HOXC4: variants seen among roughly 807,000 people sequenced by gnomAD.
HOXC4 encodes the protein homeobox C4, also known as homeobox protein Hox-C4.
A neutral mutation model predicts 25.5 loss-of-function variants in HOXC4; 15 were observed. The ratio of observed to expected loss-of-function variants is 0.59; its 90% CI spans 0.39 to 0.91. The LOEUF is 0.91. Among genes scored for constraint, HOXC4 ranks in the 40% least tolerant of loss-of-function variants. HOXC4 has a pLI of 0.00. For missense variants in HOXC4, 342 were observed against 352.4 expected (o/e 0.97, Z 0.24); for synonymous variants, 165 against 148.0 (o/e 1.11, Z -0.83).
At chr12:54,028,867 C>A in intron 1 of HOXC4, 2 of 1,613,880 alleles carry the variant, frequency 1.2e-6, no homozygotes, top group Non-Finnish European at 1.7e-6. Flanking sequence ...GCCCCAGGAC[C>A]AGAAAGCCAG....
chr12:54,017,840 C>T (rs1323603278), intron 1 of HOXC4, among the ~76,000 whole-genome samples: 2 of 152,186 alleles, frequency 1.3e-5, no homozygotes, highest in South Asian at 2.1e-4. Flanking sequence ...GTGCCCATTG[C>T]CCCCTAAGCA....
rs530242631 is a variant in HOXC4 at position 54,018,262 on chromosome 12, G to A, written c.-124+848G>A. 2.6e-5 allele frequency among the ~76,000 whole-genome samples: 4 copies of A among 152,354 alleles called. No individual in the cohort carries two copies. In the South Asian group the frequency reaches 8.3e-4, roughly 32 times the overall value. On this transcript the variant is annotated intron_variant, in intron 1 of 3. Coordinates refer to the HOXC4 transcript ENST00000303406. ...GGTCCGGCGCCCCTCACCCCCAGCC[G>A]CGGCCATCCCAGCCGGGATGCCCAC...
intron 1 of HOXC4, chr12:54,034,585 G>T (rs1277316557): frequency 4.5e-6 from 5 of 1,104,668 alleles, no homozygotes; most frequent in Non-Finnish European, 6.6e-6. Context: ...TTCGGGTCGG[G>T]GGCAGGTGCT....
At chr12:54,024,367 C>G (rs1003493121) in intron 1 of HOXC4, among the ~76,000 whole-genome samples, 23 of 152,064 alleles carry the variant, frequency 1.5e-4, no homozygotes, top group African/African-American at 5.6e-4. Flanking sequence ...TCAGGAGGCA[C>G]CGAGCTGTAG....
intron 1 of HOXC4, chr12:54,028,267 A>ATTTT (rs926541390): frequency 1.5e-3 from 110 of 75,632 alleles, no homozygotes; most frequent in African/African-American, 1.5e-3. Flanking sequence ...ATATATATAT[A>ATTTT]TTTTTTAAAA....
chr12:54,018,809 C>T (rs1025343949), intron 1 of HOXC4, among the ~76,000 whole-genome samples: 1 of 152,148 alleles, frequency 6.6e-6, no homozygotes, highest in Non-Finnish European at 1.5e-5. Context: ...GGGGGCCAGA[C>T]TTACCTTAAT....
At chr12:54,028,587 C>A (rs1940837152) in intron 1 of HOXC4, 2 of 1,614,000 alleles carry the variant, frequency 1.2e-6, no homozygotes, top group African/African-American at 2.7e-5. Context: ...ACGTCCTCCC[C>A]AACGTCGCCC....
At chr12:54,041,857 G>A (rs1014912653) in intron 1 of HOXC4, among the ~76,000 whole-genome samples, 1 of 151,662 alleles carries the variant, frequency 6.6e-6, no homozygotes, top group African/African-American at 2.4e-5. Flanking sequence ...TTGTATTTTT[G>A]GCAGAGATGA....
rs1225841948 is a variant in HOXC4 at position 54,022,446 on chromosome 12, A to C, written c.-124+5032A>C. The C allele has an allele frequency of 1.3e-5, 2 of 152,304 alleles. 1 individual carries two copies. The highest frequency in any genetic ancestry group is 1.3e-4 in the Admixed American group (2 of 15,296). 9.4% of individuals were successfully genotyped at this position (152,304 alleles called of 1,614,324 possible). ...GCCTTTAATTTTGCTGCTAGCTATT[A>C]AATTTAAAAGAGTATCATTGAAGTA... On this transcript the variant is annotated intron_variant, in intron 1 of 3. Transcript: ENST00000303406.
rs1273528088 is a variant in HOXC4, at chr12:54,034,382, G to C, written c.-124+16968G>C. On this transcript the variant is annotated intron_variant, in intron 1 of 3. Coordinates refer to the HOXC4 transcript ENST00000303406. ...CTACCTCACTCGCCGCAGGCGCATA[G>C]AGATCGCCAACAACTTGTGTCTCAA... 3 of 1,614,026 alleles carry C rather than the reference G, an allele frequency of 1.9e-6. No individual in the cohort carries two copies. Among genetic ancestry groups the C allele is most frequent in the African/African-American group, 2.7e-5 (2 of 74,942 alleles).
chr12:54,023,322 A>G (rs1277764106), intron 1 of HOXC4, among the ~76,000 whole-genome samples: 1 of 152,230 alleles, frequency 6.6e-6, no homozygotes, highest in African/African-American at 2.4e-5. Context: ...TGAGAAGCCA[A>G]ACAAATGCCA....
chr12:54,042,576 G>A (rs956568888), intron 1 of HOXC4, among the ~76,000 whole-genome samples: 1 of 152,156 alleles, frequency 6.6e-6, no homozygotes, highest in African/African-American at 2.4e-5. Context: ...TTTTGAGAGG[G>A]GGAATGCTGA....
intron 1 of HOXC4, among the ~76,000 whole-genome samples, chr12:54,046,400 G>C (rs535709573): frequency 2.4e-4 from 37 of 152,222 alleles, no homozygotes; most frequent in African/African-American, 8.7e-4. Context: ...ACATTGCTGT[G>C]GGGGAGGGGG....
chr12:54,019,069 C>T (rs1940302594), intron 1 of HOXC4, among the ~76,000 whole-genome samples: 1 of 150,846 alleles, frequency 6.6e-6, no homozygotes, highest in African/African-American at 2.4e-5. Context: ...CCCACAACCC[C>T]CTTCCCTTCC....
intron 1 of HOXC4, chr12:54,033,056 A>G: frequency 5.1e-6 from 7 of 1,360,338 alleles, no homozygotes; most frequent in Non-Finnish European, 7.2e-6. Context: ...AAACCCCTCA[A>G]CTTCAAAGAG....
intron 1 of HOXC4, chr12:54,028,268 T>TA (rs1555185189): frequency 2.0e-3 from 143 of 72,384 alleles, no homozygotes; most frequent in Middle Eastern, 6.1e-3. Flanking sequence ...TATATATATA[T>TA]TTTTTAAAAG....
chr12:54,029,746 C>T (rs770642032), intron 1 of HOXC4: 14 of 1,614,206 alleles, frequency 8.7e-6, no homozygotes, highest in Non-Finnish European at 1.1e-5. Flanking sequence ...ACTTCAATCG[C>T]TACCTAACGC....
At chr12:54,026,776 C>A (rs1037586668) in intron 1 of HOXC4, among the ~76,000 whole-genome samples, 1 of 152,224 alleles carries the variant, frequency 6.6e-6, no homozygotes, top group Non-Finnish European at 1.5e-5. Flanking sequence ...TAGCGACACT[C>A]CAGGGAAACC....
upstream of HOXC4, among the ~76,000 whole-genome samples, chr12:54,050,265 A>C (rs930748992): frequency 6.6e-6 from 1 of 152,200 alleles, no homozygotes; most frequent in African/African-American, 2.4e-5. Flanking sequence ...TTCTTCAGCG[A>C]TGTCAGAAGG....
Sources: allele counts gnomAD v4.1 joint callset (sites outside exome capture counted in the v4.1 genomes callset), GRCh38; gene constraint gnomAD v4.1.1; transcripts MANE v1.5; gene names NCBI Gene and HGNC (gene_info 2026-07-23, HGNC 2026-07-21).